The following KDM2A variants were observed in gnomAD, a reference collection of about 807,000 sequenced individuals.
KDM2A encodes lysine demethylase 2A.
A neutral mutation model predicts 137.3 loss-of-function variants in KDM2A; 3 were observed. The observed-to-expected ratio is 0.02, with a 90% CI of 0.01 to 0.06. KDM2A has a LOEUF of 0.06. Ranked by LOEUF, KDM2A falls within the 10% of genes least tolerant of loss-of-function variation. The pLI is 1.00. For missense variants in KDM2A, 738 were observed against 1,510.6 expected (o/e 0.49, Z 8.48); for synonymous variants, 512 against 541.5 (o/e 0.95, Z 0.76).
At chr11:67,123,586 A>G (rs1000160325) in intron 2 of KDM2A, among the ~76,000 whole-genome samples, 2 of 151,938 alleles carry the variant, frequency 1.3e-5, no homozygotes, top group African/African-American at 4.8e-5. Flanking sequence ...TATGGAATTC[A>G]CTTTTATCAT....
At chr11:67,123,988 G>A (rs571142260) in intron 2 of KDM2A, among the ~76,000 whole-genome samples, 7 of 151,436 alleles carry the variant, frequency 4.6e-5, no homozygotes, top group African/African-American at 1.7e-4. Context: ...TTTGGGTTTT[G>A]TTGTTGTTGT....
In KDM2A at chr11:67,235,494, G is replaced by C. The variant is rs148537731; in HGVS notation, c.1479+3534G>C. On this transcript the variant is annotated intron_variant, in intron 12 of 20. Coordinates refer to ENST00000529006, the MANE Select transcript of KDM2A (RefSeq NM_012308.3). ...AATTTTGTATTTTTAGTAGAGACTG[G>C]GCTTCTTCATGTTGTTCAGGCTGGT... Among the ~76,000 whole-genome samples, 82 of 151,616 alleles carry C rather than the reference G, an allele frequency of 5.4e-4. 1 individual carries two copies. In the East Asian group the frequency reaches 0.016, roughly 29 times the overall value.
chr11:67,171,522 T>A (rs1856882752), intron 2 of KDM2A, among the ~76,000 whole-genome samples: 1 of 152,196 alleles, frequency 6.6e-6, no homozygotes, highest in Non-Finnish European at 1.5e-5. Flanking sequence ...CTGCCTATAG[T>A]TGCACAGCAA....
intron 2 of KDM2A, among the ~76,000 whole-genome samples, chr11:67,134,784 T>C (rs910144023): frequency 6.6e-6 from 1 of 152,148 alleles, no homozygotes; most frequent in Non-Finnish European, 1.5e-5. Context: ...GGATTACAAG[T>C]GTGAGCCACC....
intron 5 of KDM2A, among the ~76,000 whole-genome samples, chr11:67,189,862 C>T (rs1857307769): frequency 6.6e-6 from 1 of 152,052 alleles, no homozygotes; most frequent in African/African-American, 2.4e-5. Context: ...ACACCAGTCT[C>T]TTTAACAAAA....
intron 2 of KDM2A, among the ~76,000 whole-genome samples, chr11:67,164,453 G>T (rs770416187): frequency 1.3e-5 from 2 of 152,060 alleles, no homozygotes; most frequent in Non-Finnish European, 2.9e-5. Context: ...TGTTCATTAA[G>T]TGTTGATCTT....
chr11:67,188,926 C>G (rs1319059025), intron 5 of KDM2A, among the ~76,000 whole-genome samples: 1 of 152,036 alleles, frequency 6.6e-6, no homozygotes, highest in African/African-American at 2.4e-5. Context: ...AAAGGAAAAC[C>G]TGACAGAACT....
intron 1 of KDM2A, 86 bp from the exon 2 acceptor site, chr11:67,121,148 C>T (rs957928532): frequency 1.3e-5 from 8 of 623,402 alleles, no homozygotes; most frequent in Non-Finnish European, 2.0e-5. Flanking sequence ...GAGCCTTTAA[C>T]ACTTACCTTA....
chr11:67,192,192 TTTCC>T (rs148716282), intron 5 of KDM2A, among the ~76,000 whole-genome samples: 4,826 of 152,200 alleles, frequency 0.032, 120 homozygotes, highest in African/African-American at 0.07. Context: ...TTCAATCCCT[TTTCC>T]TTCCTCCTCT....
chr11:67,133,808 T>C (rs920105002), intron 2 of KDM2A, among the ~76,000 whole-genome samples: 3 of 151,782 alleles, frequency 2.0e-5, no homozygotes, highest in Admixed American at 2.0e-4. Flanking sequence ...TTCAAGCGAT[T>C]CTCCTGCCTC....
chr11:67,223,685 C>T (rs964994980), intron 10 of KDM2A, among the ~76,000 whole-genome samples: 11 of 152,142 alleles, frequency 7.2e-5, no homozygotes, highest in African/African-American at 2.7e-4. Context: ...CTTGGGACCA[C>T]GGGCATGAGC....
rs373536076 is a variant in KDM2A at position 67,181,360 on chromosome 11, T to G, written c.222T>G (p.Asp74Glu). ...VEYIQRGGLR[D>E]PLIFKNSDGL... ...ATATTCAGCGGGGTGGCTTGAGAGATCCTCTGATTTTCAAGAATTCTGATG... is the reference window on the plus strand; with the variant it reads ...ATATTCAGCGGGGTGGCTTGAGAGAGCCTCTGATTTTCAAGAATTCTGATG... The change falls in exon 4 of 21, where the codon GAT becomes GAG. Residue 74 changes from aspartate (D) to glutamate (E), a missense_variant. This residue lies in a region of KDM2A where 74 missense variants were observed against 181.8 expected (regional missense o/e 0.41). Transcript: ENST00000529006. 3.2e-5 allele frequency: 51 copies of G among 1,612,430 alleles called. No individual in the cohort carries two copies. Among genetic ancestry groups the G allele is most frequent in the Non-Finnish European group, 4.2e-5 (49 of 1,179,078 alleles).
chr11:67,122,441 C>G (rs977960808), intron 2 of KDM2A, among the ~76,000 whole-genome samples: 2 of 152,032 alleles, frequency 1.3e-5, no homozygotes, highest in African/African-American at 4.8e-5. Context: ...ATCCTCCTGC[C>G]TCAGCCTTGC....
chr11:67,239,130 A>G (rs1858951536), intron 12 of KDM2A, among the ~76,000 whole-genome samples: 1 of 152,202 alleles, frequency 6.6e-6, no homozygotes, highest in Non-Finnish European at 1.5e-5. Context: ...AGGCAAACAG[A>G]CTTGAATAGA....
intron 2 of KDM2A, among the ~76,000 whole-genome samples, chr11:67,171,821 G>T (rs192781219): frequency 7.2e-5 from 11 of 152,264 alleles, no homozygotes; most frequent in African/African-American, 2.4e-4. Context: ...CCTGGTCTTG[G>T]CATGCTTACT....
At chr11:67,192,921 G>C (rs645387) in intron 5 of KDM2A, among the ~76,000 whole-genome samples, 1 of 152,124 alleles carries the variant, frequency 6.6e-6, no homozygotes, top group Non-Finnish European at 1.5e-5. Flanking sequence ...GAGTCAAGTA[G>C]GAGAGTGTCC....
At position 67,210,940 on chromosome 11, in the gene KDM2A, G is replaced by A. The variant is rs113116797; in HGVS notation, c.486+3252G>A. Among the ~76,000 whole-genome samples the A allele has an allele frequency of 8.6e-5, 13 of 152,042 alleles. 2 individuals carry two copies. The highest frequency in any genetic ancestry group is 2.4e-4 in the African/African-American group (10 of 41,488). On this transcript the variant is annotated intron_variant, in intron 6 of 20. Coordinates refer to ENST00000529006, the MANE Select transcript of KDM2A (RefSeq NM_012308.3). ...GCGTATCACTTGAGCCCAAGAGTTCGAGACCACTCGGGAGGCTGAGGTACA... is the reference window on the plus strand; with the variant it reads ...GCGTATCACTTGAGCCCAAGAGTTCAAGACCACTCGGGAGGCTGAGGTACA...
At chr11:67,213,545 A>G (rs4930190) in intron 6 of KDM2A, among the ~76,000 whole-genome samples, 151,314 of 152,224 alleles carry the variant, frequency 0.99, 75,212 homozygotes, top group East Asian at 1. Flanking sequence ...ATTGCCTGAG[A>G]TCAGAAGTTC....
intron 6 of KDM2A, among the ~76,000 whole-genome samples, chr11:67,210,442 G>A (rs1857945989): frequency 1.3e-5 from 2 of 152,070 alleles, no homozygotes; most frequent in African/African-American, 2.4e-5. Context: ...CATTATTAAG[G>A]TTGTGAAATG....
Sources: gnomAD v4.1 joint callset for allele counts (sites outside exome capture counted in the v4.1 genomes callset) on GRCh38, gnomAD v4.1.1 for gene constraint, gnomAD v4.1.1 regional missense constraint, MANE v1.5 for transcripts, NCBI Gene and HGNC (gene_info 2026-07-23, HGNC 2026-07-21) for gene names.